The following PLXNA2 variants were observed in gnomAD, a reference collection of about 807,000 sequenced individuals.
PLXNA2 encodes plexin-A2.
PLXNA2 carries 91 observed loss-of-function variants against 193.5 expected under a neutral mutation model. The ratio of observed to expected loss-of-function variants is 0.47; its 90% CI spans 0.40 to 0.56. PLXNA2 has a LOEUF of 0.56. Ranked by LOEUF, PLXNA2 falls within the 20% of genes least tolerant of loss-of-function variation. PLXNA2 has a pLI of 0.00. For synonymous variants in PLXNA2, 997 were observed against 1,027.3 expected, an observed-to-expected ratio of 0.97 and a Z score of 0.56; for missense variants, 1,995 against 2,503.2, an observed-to-expected ratio of 0.80 and a Z score of 4.33.
chr1:208,056,330 T>C (rs1665430640), intron 13 of PLXNA2, among the ~76,000 whole-genome samples: 1 of 152,210 alleles, frequency 6.6e-6, no homozygotes, highest in African/African-American at 2.4e-5. Flanking sequence ...GGTGTGCTTG[T>C]TACTCAGTCA....
intron 12 of PLXNA2, among the ~76,000 whole-genome samples, chr1:208,065,381 T>C (rs957185321): frequency 1.3e-5 from 2 of 152,194 alleles, no homozygotes; most frequent in African/African-American, 4.8e-5. Context: ...CTACAAGTTA[T>C]GTGACCTTGA....
At position 208,177,612 on chromosome 1, in the gene PLXNA2, C is replaced by T. The variant is rs549761248; in HGVS notation, c.1371+32668G>A. Among the ~76,000 whole-genome samples, 37 of 152,300 alleles carry T rather than the reference C, an allele frequency of 2.4e-4. No homozygotes were observed. The South Asian group carries it at 6.2e-3, about 26-fold the overall frequency. ...TTTTTCCTTAGTGACCTCAAGGGAT[C>T]GCAGAAAGAGTATAATCTGGTCTAG... On this transcript the variant is annotated intron_variant, in intron 3 of 31. Coordinates refer to ENST00000367033, the MANE Select transcript of PLXNA2 (RefSeq NM_025179.4).
Position 208,063,055 on chromosome 1 carries a change from C to A in PLXNA2, c.2587-2218G>T, listed in dbSNP as rs545591125. On this transcript the variant is annotated intron_variant, in intron 12 of 31. Transcript: ENST00000367033. ...GAATGAGCTTCACCAGCCCCTCCATCCCCTTCCCTAGCCACCTGGATGGCA... is the reference window on the plus strand; with the variant it reads ...GAATGAGCTTCACCAGCCCCTCCATACCCTTCCCTAGCCACCTGGATGGCA... Among the ~76,000 whole-genome samples, 8 of 152,282 alleles carry A rather than the reference C, an allele frequency of 5.3e-5. No individual in the cohort carries two copies. In the East Asian group the frequency reaches 1.5e-3, roughly 29 times the overall value.
At chr1:208,067,340 G>A (rs936026093) in intron 12 of PLXNA2, among the ~76,000 whole-genome samples, 3 of 112,402 alleles carry the variant, frequency 2.7e-5, no homozygotes, top group South Asian at 5.0e-4. Flanking sequence ...GTGGAACTCC[G>A]TCTCAAAAAA....
chr1:208,149,992 T>G (rs1360019471), intron 3 of PLXNA2, among the ~76,000 whole-genome samples: 1 of 152,158 alleles, frequency 6.6e-6, no homozygotes, highest in Non-Finnish European at 1.5e-5. Context: ...TGAGGCTCCC[T>G]GGAGGACAGC....
intron 4 of PLXNA2, among the ~76,000 whole-genome samples, chr1:208,126,699 C>G (rs914486134): frequency 6.6e-6 from 1 of 152,152 alleles, no homozygotes; most frequent in African/African-American, 2.4e-5. Context: ...AACACAGAGC[C>G]TATCCTCCCC....
intron 1 of PLXNA2, among the ~76,000 whole-genome samples, chr1:208,233,138 C>A (rs1394672554): frequency 6.6e-6 from 1 of 152,120 alleles, no homozygotes; most frequent in Admixed American, 6.5e-5. Context: ...TGTCTTTTTG[C>A]AATACTTATT....
chr1:208,119,135 C>T (rs1667730010), intron 4 of PLXNA2, among the ~76,000 whole-genome samples: 1 of 152,176 alleles, frequency 6.6e-6, no homozygotes, highest in Admixed American at 6.5e-5. Flanking sequence ...TAGTGACTGC[C>T]TGAATGCTTC....
chr1:208,226,213 TCTC>T (rs1323731480), intron 1 of PLXNA2, among the ~76,000 whole-genome samples: 1 of 152,072 alleles, frequency 6.6e-6, no homozygotes, highest in East Asian at 1.9e-4. Flanking sequence ...TTTTTTTGCT[TCTC>T]CTGCCCAGAA....
At chr1:208,048,804 AT>A (rs1027121439) in intron 17 of PLXNA2, among the ~76,000 whole-genome samples, 4 of 152,086 alleles carry the variant, frequency 2.6e-5, no homozygotes, top group African/African-American at 9.7e-5. Flanking sequence ...TACGTCTTTT[AT>A]TTTCTGTATG....
At chr1:208,181,335 C>G (rs1165001781) in intron 3 of PLXNA2, among the ~76,000 whole-genome samples, 1 of 152,206 alleles carries the variant, frequency 6.6e-6, no homozygotes, top group African/African-American at 2.4e-5. Context: ...GTTCTCTGGT[C>G]TTTCCTTCAG....
chr1:208,186,753 C>T (rs542602867), intron 3 of PLXNA2, among the ~76,000 whole-genome samples: 1,294 of 128,274 alleles, frequency 0.01, 8 homozygotes, highest in Middle Eastern at 0.018. Context: ...CGCTCTGTCG[C>T]CCAGGCGGGA....
intron 1 of PLXNA2, among the ~76,000 whole-genome samples, chr1:208,241,292 A>C (rs1163066099): frequency 6.6e-6 from 1 of 152,232 alleles, no homozygotes; most frequent in Non-Finnish European, 1.5e-5. Flanking sequence ...CATTCACCGC[A>C]TCTGCAGCTT....
intron 3 of PLXNA2, among the ~76,000 whole-genome samples, chr1:208,207,299 C>A (rs949879667): frequency 1.3e-5 from 2 of 152,254 alleles, no homozygotes; most frequent in African/African-American, 4.8e-5. Flanking sequence ...AGCCACCGTG[C>A]CCGGCCTCAC....
At chr1:208,029,100 C>T (rs763100853) in intron 29 of PLXNA2, 58 bp from the exon 30 acceptor site, 16 of 1,597,456 alleles carry the variant, frequency 1.0e-5, no homozygotes, top group South Asian at 3.4e-5. Context: ...CCTTCTGCTG[C>T]CCACTGATAT....
At chr1:208,058,080 T>C (rs376350140) in intron 13 of PLXNA2, among the ~76,000 whole-genome samples, 4 of 152,284 alleles carry the variant, frequency 2.6e-5, no homozygotes, top group African/African-American at 9.6e-5. Context: ...CCACCTCCCA[T>C]AGACTTGCAT....
rs1383207016 is a variant in PLXNA2 at position 208,023,335 on chromosome 1, G to A, written c.*3908C>T. 1 of 152,716 alleles carries A rather than the reference G, an allele frequency of 6.5e-6. No homozygotes were observed. Among genetic ancestry groups the A allele is most frequent in the Admixed American group, 6.5e-5 (1 of 15,276 alleles). The allele number at this position is 152,716 out of a possible 1,614,324, so 9.5% of individuals were successfully genotyped here. On this transcript the variant is annotated 3_prime_UTR_variant, in exon 32 of 32. Coordinates refer to ENST00000367033, the MANE Select transcript of PLXNA2 (RefSeq NM_025179.4). ...TATTTACCAGGAGCAGGTTAATGGG[G>A]GCAGGCGTGGCAACCGGGATGCACC...
At chr1:208,072,400 T>A (rs1666004394) in intron 12 of PLXNA2, among the ~76,000 whole-genome samples, 1 of 152,100 alleles carries the variant, frequency 6.6e-6, no homozygotes, top group African/African-American at 2.4e-5. Context: ...GGGTGGTGGG[T>A]TCCTGGTCAC....
intron 9 of PLXNA2, among the ~76,000 whole-genome samples, chr1:208,086,042 C>T (rs1211046954): frequency 6.6e-6 from 1 of 152,224 alleles, no homozygotes; most frequent in Non-Finnish European, 1.5e-5. Context: ...AGTTTCTTCT[C>T]TGCAAGGCCG....
Sources: gnomAD v4.1 joint callset for allele counts (sites outside exome capture counted in the v4.1 genomes callset) on GRCh38, gnomAD v4.1.1 for gene constraint, MANE v1.5 for transcripts, NCBI Gene and HGNC (gene_info 2026-07-23, HGNC 2026-07-21) for gene names.